RFX3: variants seen among roughly 807,000 people sequenced by gnomAD.
RFX3 encodes regulatory factor X3.
In RFX3, 14 loss-of-function variants were observed where a neutral mutation model predicts 98.6. The observed-to-expected ratio is 0.14, with a 90% CI of 0.09 to 0.22. RFX3 has a LOEUF of 0.22. RFX3 is among the 10% of genes least tolerant of loss of function. RFX3 has a pLI of 1.00. For missense variants in RFX3, 639 were observed against 926.9 expected (o/e 0.69, Z 4.03); for synonymous variants, 383 against 328.4 (o/e 1.17, Z -1.80).
chr9:3,376,057 T>C (rs1186450236), intron 2 of RFX3, among the ~76,000 whole-genome samples: 1 of 152,114 alleles, frequency 6.6e-6, no homozygotes, highest in Non-Finnish European at 1.5e-5. Flanking sequence ...GATATTAAGA[T>C]ATACAGTTGG....
chr9:3,269,046 T>C (rs913283017), intron 11 of RFX3, among the ~76,000 whole-genome samples: 5 of 151,994 alleles, frequency 3.3e-5, no homozygotes, highest in African/African-American at 1.2e-4. Flanking sequence ...CATAAATCAG[T>C]AGAGAATTTA....
In RFX3 at chr9:3,224,099, G is replaced by C. The variant is rs186140554; in HGVS notation, c.*943C>G. On this transcript the variant is annotated 3_prime_UTR_variant, in exon 17 of 17. Coordinates refer to ENST00000617270, the MANE Select transcript of RFX3 (RefSeq NM_001282116.2). ...GAACTACTATTAGGAAAAAGACCTG[G>C]AATAAAAGAAAGTCATCCAAATGGA... 2.0e-5 allele frequency: 3 copies of C among 152,080 alleles called. No homozygotes were observed. Among genetic ancestry groups the C allele is most frequent in the Admixed American group, 6.5e-5 (1 of 15,274 alleles). 9.4% of individuals were successfully genotyped at this position (152,080 alleles called of 1,614,324 possible). A position where few individuals can be genotyped will look rare whatever the true frequency, so the allele number is the denominator to read the frequency against.
chr9:3,328,851 C>T (rs747320999), intron 4 of RFX3, among the ~76,000 whole-genome samples: 9 of 152,124 alleles, frequency 5.9e-5, no homozygotes, highest in Non-Finnish European at 1.2e-4. Flanking sequence ...TTATTTCTAT[C>T]TCTATTTCAT....
intron 1 of RFX3, among the ~76,000 whole-genome samples, chr9:3,519,381 T>A (rs1818482605): frequency 1.3e-5 from 2 of 152,144 alleles, no homozygotes; most frequent in African/African-American, 4.8e-5. Flanking sequence ...GAGTATAAAT[T>A]GGTAAGCAAA....
chr9:3,518,303 C>T (rs897633708), intron 1 of RFX3, among the ~76,000 whole-genome samples: 1 of 152,176 alleles, frequency 6.6e-6, no homozygotes, highest in Non-Finnish European at 1.5e-5. Context: ...CCAAAAGTTC[C>T]TTTTAAATCT....
chr9:3,416,342 T>G (rs888547435), intron 1 of RFX3, among the ~76,000 whole-genome samples: 8 of 152,192 alleles, frequency 5.3e-5, no homozygotes, highest in African/African-American at 1.4e-4. Flanking sequence ...CAAACAAGAT[T>G]ACTAGAGTTC....
chr9:3,394,142 T>G (rs1200426991), intron 2 of RFX3, among the ~76,000 whole-genome samples: 1 of 152,140 alleles, frequency 6.6e-6, no homozygotes, highest in Non-Finnish European at 1.5e-5. Context: ...CAGAGTATGC[T>G]AAGATTTTTT....
intron 1 of RFX3, among the ~76,000 whole-genome samples, chr9:3,398,093 C>A (rs1446296570): frequency 1.3e-5 from 2 of 152,112 alleles, no homozygotes; most frequent in Admixed American, 6.6e-5. Context: ...TGAAATCTCA[C>A]AAATGGTGGT....
chr9:3,274,011 T>C (rs931292475), intron 9 of RFX3, among the ~76,000 whole-genome samples: 1 of 152,192 alleles, frequency 6.6e-6, no homozygotes, highest in Non-Finnish European at 1.5e-5. Context: ...ATTTTCTCTA[T>C]ATACATAAGG....
intron 7 of RFX3, among the ~76,000 whole-genome samples, chr9:3,285,054 C>T (rs1826400035): frequency 6.6e-6 from 1 of 151,744 alleles, no homozygotes; most frequent in African/African-American, 2.4e-5. Context: ...CCTACAATGA[C>T]TATAATTCCA....
At chr9:3,442,997 A>G in intron 1 of RFX3, among the ~76,000 whole-genome samples, 1 of 152,210 alleles carries the variant, frequency 6.6e-6, no homozygotes, top group East Asian at 1.9e-4. Context: ...TCTTACATCC[A>G]TAAATGTAAA....
chr9:3,450,360 C>T (rs567216648), intron 1 of RFX3, among the ~76,000 whole-genome samples: 20 of 152,108 alleles, frequency 1.3e-4, no homozygotes, highest in African/African-American at 4.1e-4. Context: ...TTTAACTATC[C>T]TCAGAGGTCA....
chr9:3,331,802 T>G (rs558164987), intron 3 of RFX3, among the ~76,000 whole-genome samples: 4 of 152,286 alleles, frequency 2.6e-5, no homozygotes, highest in African/African-American at 7.2e-5. Context: ...ATACATGCTC[T>G]TAGTAAACAA....
In RFX3 at chr9:3,249,176, G is replaced by C. The variant is rs139782228; in HGVS notation, c.1815-991C>G. 3.1e-3 allele frequency among the ~76,000 whole-genome samples: 466 copies of C among 152,222 alleles called. 2 individuals carry two copies. Among genetic ancestry groups the C allele is most frequent in the Middle Eastern group, 6.8e-3 (2 of 294 alleles). On this transcript the variant is annotated intron_variant, in intron 14 of 16. Transcript: ENST00000617270. ...AAACTCACCTATGCCTCGTTTTACA[G>C]TAAAGAATTATAAGACATCAGGCAA...
intron 2 of RFX3, among the ~76,000 whole-genome samples, chr9:3,374,940 ACAG>A (rs753822893): frequency 6.6e-6 from 1 of 152,176 alleles, no homozygotes; most frequent in South Asian, 2.1e-4. Context: ...AGCATTAACA[ACAG>A]TTACGTAATT....
intron 7 of RFX3, among the ~76,000 whole-genome samples, chr9:3,286,102 G>A (rs1377917705): frequency 6.6e-6 from 1 of 151,812 alleles, no homozygotes; most frequent in African/African-American, 2.4e-5. Context: ...TCATACTTAA[G>A]TTTGAGTATA....
intron 1 of RFX3, chr9:3,488,766 G>A: frequency 1.0e-6 from 1 of 984,878 alleles, no homozygotes; most frequent in African/African-American, 1.7e-5. Context: ...GTACTTTACA[G>A]AGGACTTACG....
intron 1 of RFX3, chr9:3,400,292 T>A: frequency 1.6e-6 from 1 of 614,128 alleles, no homozygotes; most frequent in Non-Finnish European, 2.0e-6. Flanking sequence ...AGGAATCTTA[T>A]AGAATAGAGT....
intron 5 of RFX3, among the ~76,000 whole-genome samples, chr9:3,296,637 T>C (rs1016949589): frequency 2.0e-5 from 3 of 152,072 alleles, no homozygotes; most frequent in Non-Finnish European, 4.4e-5. Context: ...ACTTTGACAC[T>C]AGCAAAGCTA....
Sources: allele counts gnomAD v4.1 joint callset (sites outside exome capture counted in the v4.1 genomes callset), GRCh38; gene constraint gnomAD v4.1.1; transcripts MANE v1.5; gene names NCBI Gene and HGNC (gene_info 2026-07-23, HGNC 2026-07-21).